Variants in ZMYND8 observed in about 807,000 individuals in gnomAD.
ZMYND8 encodes MYND-type zinc finger-containing chromatin reader ZMYND8.
Under a neutral mutation model 140.8 loss-of-function variants are expected in ZMYND8, and 37 were observed. That is an observed-to-expected ratio of 0.26 (90% CI 0.20 to 0.35). The LOEUF (loss-of-function observed/expected upper bound fraction) is 0.35. Ranked by LOEUF, ZMYND8 falls within the 10% of genes least tolerant of loss-of-function variation. The pLI, the probability that ZMYND8 is intolerant of heterozygous loss-of-function variation, is 1.00. For synonymous variants in ZMYND8, 592 were observed against 597.1 expected, an observed-to-expected ratio of 0.99 and a Z score of 0.12; for missense variants, 1,068 against 1,570.0, an observed-to-expected ratio of 0.68 and a Z score of 5.40.
At position 47,309,918 on chromosome 20, in the gene ZMYND8, G is replaced by T. The variant is rs2078794721; in HGVS notation, c.234+138C>A. Reference sequence around the variant, plus strand: ...GGCCCATTTTTAGCCATCTTTTTTTGTCCAAGGCAAATGACAGCCAGCGCA... The same window carrying T: ...GGCCCATTTTTAGCCATCTTTTTTTTTCCAAGGCAAATGACAGCCAGCGCA... On this transcript the variant is annotated intron_variant, in intron 3 of 22. Coordinates refer to ENST00000471951, the MANE Select transcript of ZMYND8 (RefSeq NM_001281775.3). 5 of 1,208,518 alleles carry T rather than the reference G, an allele frequency of 4.1e-6. No individual in the cohort carries two copies. In the Admixed American group the frequency reaches 6.8e-5, roughly 16 times the overall value. 74.9% of individuals were successfully genotyped at this position (1,208,518 alleles called of 1,614,324 possible).
Position 47,214,777 on chromosome 20 carries a change from G to A in ZMYND8, c.3485-2052C>T, listed in dbSNP as rs927891534. On this transcript the variant is annotated intron_variant, in intron 21 of 22. Coordinates refer to ENST00000471951, the MANE Select transcript of ZMYND8 (RefSeq NM_001281775.3). ...CTCAAGGTGTTGGGATTATAGGCAT[G>A]AGCCACCACGCCTGACCTAAATGCG... Among the ~76,000 whole-genome samples, 4 of 152,144 alleles carry A rather than the reference G, an allele frequency of 2.6e-5. No homozygotes were observed. The East Asian group carries it at 5.8e-4, about 22-fold the overall frequency.
chr20:47,246,190 G>A lies in ZMYND8; in HGVS notation c.2102C>T (p.Pro701Leu). 6.2e-7 allele frequency: 1 copy of A among 1,614,148 alleles called. No individual in the cohort carries two copies. Among genetic ancestry groups the A allele is most frequent in the South Asian group, 1.1e-5 (1 of 91,064 alleles). ...TTTATCCTTTATGGGGTGAGGTGAA[G>A]GTTTTGCCTTTTCGGAAAAGTCCTT... is the stretch of plus-strand genomic sequence containing the variant. ...PEKDFSEKAK[P>L]SPHPIKDKLK... The change falls in exon 14 of 23, where the codon CCT (proline) becomes CTT (leucine). Residue 701 changes from proline (P) to leucine (L), a missense_variant. By Grantham distance (98) the Pro-to-Leu change is moderately conservative. Around this residue, in one of 10 missense-constraint regions of ZMYND8, gnomAD observed 383 missense variants for 431.2 expected, o/e 0.89. Coordinates refer to ENST00000471951, the MANE Select transcript of ZMYND8 (RefSeq NM_001281775.3).
intron 18 of ZMYND8, 144 bp from the exon 19 acceptor site, chr20:47,224,700 G>C: frequency 2.8e-6 from 4 of 1,418,676 alleles, no homozygotes; most frequent in Non-Finnish European, 3.8e-6. Flanking sequence ...CAATAACCTA[G>C]CCCGAGTCTT....
intron 10 of ZMYND8, among the ~76,000 whole-genome samples, chr20:47,278,594 A>G (rs2076399282): frequency 6.6e-6 from 1 of 152,144 alleles, no homozygotes; most frequent in African/African-American, 2.4e-5. Context: ...AATTCACAAT[A>G]CAGGCGGATT....
intron 10 of ZMYND8, among the ~76,000 whole-genome samples, chr20:47,280,869 T>C (rs3746483): frequency 0.24 from 36,190 of 152,054 alleles, 4,670 homozygotes; most frequent in Non-Finnish European, 0.29. Context: ...CAGCATTTCC[T>C]GAACCCTCTC....
chr20:47,262,406 C>G lies in ZMYND8; in HGVS notation c.1503G>C (p.Thr501=), dbSNP rs145166978. 75 of 1,613,774 alleles carry G rather than the reference C, an allele frequency of 4.6e-5. No individual in the cohort carries two copies. In the South Asian group the frequency reaches 8.0e-4, roughly 17 times the overall value. Residue 501 remains threonine (T), a synonymous_variant, in exon 12 of 23, where the codon ACG becomes ACC. Transcript: ENST00000471951. The part of the protein sequence containing the change: ...KSTASPASTK[T]GQAGSLSGSP... ...TGCCGGATAAACTCCCTGCTTGTCC[C>G]GTCTTGGTGGAGGCTGGTGAAGCTG...
intron 16 of ZMYND8, among the ~76,000 whole-genome samples, chr20:47,232,622 C>A (rs750872493): frequency 2.4e-4 from 37 of 152,100 alleles, no homozygotes; most frequent in Admixed American, 2.6e-4. Flanking sequence ...AAACAGCCTT[C>A]CTGCAAACCA....
intron 7 of ZMYND8, 100 bp from the exon 8 acceptor site, chr20:47,287,384 C>T: frequency 9.5e-7 from 1 of 1,052,468 alleles, no homozygotes; most frequent in Non-Finnish European, 1.5e-6. Context: ...TGCTTTTCCC[C>T]CAGGATTAAG....
intron 11 of ZMYND8, among the ~76,000 whole-genome samples, chr20:47,263,318 A>G (rs1291998014): frequency 1.3e-5 from 2 of 152,238 alleles, no homozygotes; most frequent in Non-Finnish European, 2.9e-5. Flanking sequence ...AAGATGAGCA[A>G]GAAACATTCT....
intron 12 of ZMYND8, among the ~76,000 whole-genome samples, chr20:47,255,758 ATATATACGG>A: frequency 1.1e-5 from 1 of 90,266 alleles, no homozygotes; most frequent in Non-Finnish European, 2.0e-5. Context: ...ATATATATAT[ATATATACGG>A]TATATATATA....
chr20:47,215,384 A>C (rs1489501630), intron 21 of ZMYND8, among the ~76,000 whole-genome samples: 1 of 151,296 alleles, frequency 6.6e-6, no homozygotes, highest in African/African-American at 2.5e-5. Flanking sequence ...AATACTAATA[A>C]TAATAATAAT....
At chr20:47,347,800 A>T (rs1289065046) in intron 2 of ZMYND8, 56 bp downstream of exon 2, 55 of 1,583,154 alleles carry the variant, frequency 3.5e-5, no homozygotes, top group Non-Finnish European at 4.6e-5. Context: ...AACAACAAAA[A>T]GAAATTCCAA....
At chr20:47,242,741 C>T (rs578258477) in intron 14 of ZMYND8, among the ~76,000 whole-genome samples, 112 of 152,286 alleles carry the variant, frequency 7.4e-4, no homozygotes, top group Non-Finnish European at 1.5e-3. Flanking sequence ...CGATAAGATT[C>T]CAGGCTCAAA....
intron 21 of ZMYND8, among the ~76,000 whole-genome samples, chr20:47,215,956 CT>C (rs2036030817): frequency 6.6e-6 from 1 of 152,044 alleles, no homozygotes; most frequent in African/African-American, 2.4e-5. Flanking sequence ...ATTTAAGTGC[CT>C]AGGAAGAAAA....
At chr20:47,286,734 G>A (rs902222543) in intron 8 of ZMYND8, among the ~76,000 whole-genome samples, 2 of 152,164 alleles carry the variant, frequency 1.3e-5, no homozygotes, top group African/African-American at 4.8e-5. Context: ...GAGCCTCACA[G>A]CTCACACGCC....
chr20:47,235,810 G>A (rs1423801698), intron 16 of ZMYND8, among the ~76,000 whole-genome samples: 3 of 152,154 alleles, frequency 2.0e-5, no homozygotes, highest in Non-Finnish European at 2.9e-5. Context: ...TGCCCACCAT[G>A]CCACTTAATG....
chr20:47,317,668 T>C (rs1481737221), intron 2 of ZMYND8, among the ~76,000 whole-genome samples: 3 of 152,282 alleles, frequency 2.0e-5, no homozygotes, highest in East Asian at 1.9e-4. Flanking sequence ...CAACCAACCA[T>C]GTGCTTAGCT....
intron 11 of ZMYND8, 148 bp downstream of exon 11, chr20:47,276,166 C>T: frequency 1.7e-6 from 2 of 1,177,160 alleles, no homozygotes; most frequent in Non-Finnish European, 2.2e-6. Context: ...AAGAACTCCA[C>T]TGGTGACTTC....
chr20:47,218,985 G>T (rs1374899201), intron 21 of ZMYND8, among the ~76,000 whole-genome samples: 1 of 151,808 alleles, frequency 6.6e-6, no homozygotes, highest in Non-Finnish European at 1.5e-5. Context: ...CGGAGGCAGA[G>T]GCGGGAGGAT....
Sources: gnomAD v4.1 joint callset for allele counts (sites outside exome capture counted in the v4.1 genomes callset) on GRCh38, gnomAD v4.1.1 for gene constraint, gnomAD v4.1.1 regional missense constraint, MANE v1.5 for transcripts, NCBI Gene and HGNC (gene_info 2026-07-23, HGNC 2026-07-21) for gene names.